C1GALT1: variants seen among roughly 807,000 people sequenced by gnomAD.
The protein encoded by C1GALT1 is core 1 synthase, glycoprotein-N-acetylgalactosamine 3-beta-galactosyltransferase 1, also known as glycoprotein-N-acetylgalactosamine 3-beta-galactosyltransferase 1.
C1GALT1 carries 11 observed loss-of-function variants against 31.0 expected under a neutral mutation model. The observed-to-expected ratio is 0.36, with a 90% CI of 0.22 to 0.59. The LOEUF is 0.59. Ranked by LOEUF, C1GALT1 falls within the 20% of genes least tolerant of loss-of-function variation. The pLI is 0.79. For synonymous variants in C1GALT1, 175 were observed against 143.6 expected, an observed-to-expected ratio of 1.22 and a Z score of -1.56; for missense variants, 424 against 425.2, an observed-to-expected ratio of 1.00 and a Z score of 0.03.
intron 3 of C1GALT1, 150 bp from the exon 4 acceptor site, chr7:7,243,374 A>C: frequency 1.9e-6 from 1 of 532,002 alleles, no homozygotes; most frequent in Non-Finnish European, 3.2e-6. Flanking sequence ...GATTTCTTCC[A>C]CAGGTCTAGT....
chr7:7,166,395 C>A (rs1780392544), intron 2 of C1GALT1, among the ~76,000 whole-genome samples: 1 of 151,828 alleles, frequency 6.6e-6, no homozygotes, highest in Non-Finnish European at 1.5e-5. Flanking sequence ...TGAATAAAAC[C>A]AGATATGAAA....
intron 1 of C1GALT1, among the ~76,000 whole-genome samples, chr7:7,224,617 A>G (rs768340361): frequency 6.6e-6 from 1 of 152,138 alleles, no homozygotes; most frequent in Admixed American, 6.5e-5. Context: ...TGTCAAATTT[A>G]TACGTGTAGA....
At chr7:7,233,679 A>G (rs982106331) in intron 1 of C1GALT1, among the ~76,000 whole-genome samples, 3 of 152,350 alleles carry the variant, frequency 2.0e-5, no homozygotes, top group African/African-American at 7.2e-5. Flanking sequence ...CAGTCAGTAT[A>G]TAAATGAATG....
chr7:7,241,611 A>G (rs370726705), intron 3 of C1GALT1, among the ~76,000 whole-genome samples: 5 of 152,112 alleles, frequency 3.3e-5, no homozygotes, highest in East Asian at 1.9e-4. Context: ...TTCCATAGGT[A>G]TGCAATATTT....
intron 1 of C1GALT1, among the ~76,000 whole-genome samples, chr7:7,207,480 T>C (rs2128237721): frequency 6.6e-6 from 1 of 151,690 alleles, no homozygotes. Context: ...CTGGCTCAGA[T>C]TTTCCATGTC....
rs550460114 is a variant in C1GALT1 at position 7,197,584 on chromosome 7, C to A, written c.-18+14764C>A. Among the ~76,000 whole-genome samples the A allele has an allele frequency of 2.6e-5, 4 of 152,212 alleles. No individual in the cohort carries two copies. In the East Asian group the frequency reaches 5.8e-4, roughly 22 times the overall value. On this transcript the variant is annotated intron_variant, in intron 1 of 3. Transcript: ENST00000436587. ...CTTTTTCCAATTCTGTGAAGAAAGT[C>A]ATTGGTAGCTTGATGGGGATGGCAT...
intron 2 of C1GALT1, among the ~76,000 whole-genome samples, chr7:7,164,903 CTTGGG>C (rs972605348): frequency 1.2e-4 from 19 of 152,060 alleles, no homozygotes; most frequent in African/African-American, 4.6e-4. Context: ...CAGTGTTCAC[CTTGGG>C]TTTGCTGCCT....
chr7:7,205,849 A>G (rs56381638), intron 1 of C1GALT1, among the ~76,000 whole-genome samples: 24,128 of 152,078 alleles, frequency 0.16, 2,202 homozygotes, highest in East Asian at 0.37. Flanking sequence ...GATGATGTTT[A>G]TCAATTCTGC....
chr7:7,160,599 C>G (rs1013558313), intron 2 of C1GALT1, among the ~76,000 whole-genome samples: 2 of 152,040 alleles, frequency 1.3e-5, no homozygotes, highest in African/African-American at 4.8e-5. Context: ...GTCTGCTAAC[C>G]TAAATCCATT....
At position 7,198,834 on chromosome 7, in the gene C1GALT1, A is replaced by G. The variant is rs535206992; in HGVS notation, c.-18+16014A>G. Among the ~76,000 whole-genome samples, 16 of 152,296 alleles carry G rather than the reference A, an allele frequency of 1.1e-4. No homozygotes were observed. The East Asian group carries it at 2.9e-3, about 28-fold the overall frequency. On this transcript the variant is annotated intron_variant, in intron 1 of 3. Coordinates refer to ENST00000436587, the MANE Select transcript of C1GALT1 (RefSeq NM_020156.5). ...AGTTTATTTGCATCAAGGTGTTTAT[A>G]GTATTCTCTGATGGTAGTTTGTATT...
chr7:7,181,902 C>A (rs990348008), upstream of C1GALT1, among the ~76,000 whole-genome samples: 1 of 152,176 alleles, frequency 6.6e-6, no homozygotes, highest in Non-Finnish European at 1.5e-5. Flanking sequence ...CTTCCTTATT[C>A]AGAGCCCAGC....
chr7:7,246,536 C>A lies in C1GALT1; in HGVS notation c.*2809C>A, dbSNP rs142964556. ...TGGGGCCCAAGAGTATGCATTCTTACCAGATACCTTGGGCAGTGACTGTCA... is the reference window on the plus strand; with the variant it reads ...TGGGGCCCAAGAGTATGCATTCTTAACAGATACCTTGGGCAGTGACTGTCA... On this transcript the variant is annotated 3_prime_UTR_variant, in exon 4 of 4. Transcript: ENST00000436587. 1 of 152,090 alleles carries A rather than the reference C, an allele frequency of 6.6e-6. No individual in the cohort carries two copies. The highest frequency in any genetic ancestry group is 1.5e-5 in the Non-Finnish European group (1 of 68,006). 9.4% of individuals were successfully genotyped at this position (152,090 alleles called of 1,614,324 possible).
chr7:7,165,492 G>T (rs138920740), intron 2 of C1GALT1, among the ~76,000 whole-genome samples: 5 of 152,224 alleles, frequency 3.3e-5, no homozygotes, highest in Non-Finnish European at 5.9e-5. Context: ...CATATCCATG[G>T]GGTGCAGATG....
intron 1 of C1GALT1, among the ~76,000 whole-genome samples, chr7:7,232,836 C>G (rs1366012104): frequency 1.3e-5 from 2 of 152,100 alleles, no homozygotes; most frequent in Non-Finnish European, 2.9e-5. Flanking sequence ...AACTGTGGCT[C>G]CTTCTGATTG....
intron 1 of C1GALT1, among the ~76,000 whole-genome samples, chr7:7,214,004 G>T (rs1433030442): frequency 6.6e-6 from 1 of 152,162 alleles, no homozygotes; most frequent in Non-Finnish European, 1.5e-5. Context: ...CTCCCAGTGG[G>T]GGGTAGGGAT....
At chr7:7,193,650 G>A (rs990160807) in intron 1 of C1GALT1, among the ~76,000 whole-genome samples, 1 of 151,932 alleles carries the variant, frequency 6.6e-6, no homozygotes, top group Non-Finnish European at 1.5e-5. Flanking sequence ...TCTTGATTTG[G>A]CTATGTGTGT....
At chr7:7,182,217 G>C (rs1484973063), upstream of C1GALT1, among the ~76,000 whole-genome samples, 1 of 152,202 alleles carries the variant, frequency 6.6e-6, no homozygotes, top group East Asian at 1.9e-4. Flanking sequence ...TGCAGGGTTA[G>C]AGCCTGTACC....
chr7:7,211,313 C>G (rs189402570), intron 1 of C1GALT1, among the ~76,000 whole-genome samples: 1 of 152,172 alleles, frequency 6.6e-6, no homozygotes, highest in African/African-American at 2.4e-5. Context: ...GGGGCTGAAG[C>G]TGGCGTTTTC....
At chr7:7,159,033 T>C (rs776287873) in intron 2 of C1GALT1, among the ~76,000 whole-genome samples, 12 of 152,100 alleles carry the variant, frequency 7.9e-5, no homozygotes, top group Non-Finnish European at 1.3e-4. Flanking sequence ...TATATGCAAA[T>C]AGGGCATGTT....
Sources: allele counts gnomAD v4.1 joint callset (sites outside exome capture counted in the v4.1 genomes callset), GRCh38; gene constraint gnomAD v4.1.1; transcripts MANE v1.5; gene names NCBI Gene and HGNC (gene_info 2026-07-23, HGNC 2026-07-21).